Variants in DLEC1 observed in about 807,000 individuals in gnomAD.
The protein encoded by DLEC1 is deleted in lung and esophageal cancer protein 1.
In DLEC1, 146 loss-of-function variants were observed where a neutral mutation model predicts 198.1. That is an observed-to-expected ratio of 0.74 (90% CI 0.64 to 0.85). The LOEUF is 0.85. Among genes scored for constraint, DLEC1 ranks in the 40% least tolerant of loss-of-function variants. DLEC1 has a pLI of 0.00. For missense variants in DLEC1, 2,233 were observed against 2,220.0 expected (o/e 1.01, Z -0.12); for synonymous variants, 897 against 866.8 (o/e 1.03, Z -0.61).
intron 6 of DLEC1, among the ~76,000 whole-genome samples, chr3:38,080,445 G>A (rs1295960437): frequency 3.3e-5 from 5 of 152,118 alleles, no homozygotes; most frequent in Non-Finnish European, 7.3e-5. Flanking sequence ...GAGTTGCATT[G>A]GGCACAGAGA....
At chr3:38,058,358 C>T (rs1228978768) in intron 2 of DLEC1, among the ~76,000 whole-genome samples, 1 of 152,088 alleles carries the variant, frequency 6.6e-6, no homozygotes, top group Non-Finnish European at 1.5e-5. Context: ...TAGGTTGCCC[C>T]GCAAAACCAG....
At position 38,039,486 on chromosome 3, in the gene DLEC1, G is replaced by A; in HGVS notation, c.261G>A (p.Leu87=). The change falls in exon 1 of 37, where the codon CTG becomes CTA. Residue 87 remains leucine, a synonymous_variant. Coordinates refer to ENST00000308059, the MANE Select transcript of DLEC1 (RefSeq NM_007335.4). ...PQLLRLRPSS[L]RTQDISHLLT... is the part of the protein sequence containing the mutation. ...TGCTTCGTCTGCGCCCCTCCTCGCT[G>A]CGCACCCAAGATATCTCGCACTTGC... The A allele has an allele frequency of 3.1e-6, 5 of 1,614,052 alleles. No individual in the cohort carries two copies. The East Asian group carries it at 1.1e-4, about 36-fold the overall frequency.
intron 2 of DLEC1, among the ~76,000 whole-genome samples, chr3:38,047,284 TAA>T (rs1461230805): frequency 6.6e-6 from 1 of 152,226 alleles, no homozygotes; most frequent in Non-Finnish European, 1.5e-5. Context: ...TATGCAAAGA[TAA>T]GTTGACTTTA....
chr3:38,039,462 G>T lies in DLEC1; in HGVS notation c.237G>T (p.Leu79=). 1 of 1,614,042 alleles carries T rather than the reference G, an allele frequency of 6.2e-7. No homozygotes were observed. Among genetic ancestry groups the T allele is most frequent in the Non-Finnish European group, 8.5e-7 (1 of 1,179,890 alleles). Residue 79 remains leucine, a synonymous_variant, in exon 1 of 37, where the codon CTG becomes CTT. Transcript: ENST00000308059. ...LALAQRPEPQ[L]LRLRPSSLRT... ...TGGCGCAGCGTCCCGAGCCTCAGCT[G>T]CTTCGTCTGCGCCCCTCCTCGCTGC...
chr3:38,113,258 T>C (rs1373898780), intron 25 of DLEC1, among the ~76,000 whole-genome samples: 1 of 152,244 alleles, frequency 6.6e-6, no homozygotes, highest in African/African-American at 2.4e-5. Context: ...TTGGTGAAGA[T>C]ACAGGGGAAA....
In DLEC1 at chr3:38,045,637, G is replaced by A. The variant is rs752945398; in HGVS notation, c.506G>A (p.Arg169Gln). The change falls in exon 2 of 37, where the codon CGG (arginine) becomes CAG (glutamine). Residue 169 changes from arginine to glutamine, a missense_variant. Physicochemically the swap from Arg to Gln is conservative, Grantham distance 43. Coordinates refer to ENST00000308059, the MANE Select transcript of DLEC1 (RefSeq NM_007335.4). ...AQARAIAENERVMSQAGVQDL... is the reference protein window; with the variant it reads ...AQARAIAENEQVMSQAGVQDL... ...GCACGGGCTATTGCGGAAAATGAGC[G>A]GGTCATGAGCCAGGCTGGAGTACAG... The A allele has an allele frequency of 1.9e-5, 30 of 1,613,954 alleles. No individual in the cohort carries two copies. The highest frequency in any genetic ancestry group is 1.2e-4 in the South Asian group (11 of 91,082).
rs1699684329 is a variant in DLEC1 at position 38,108,449 on chromosome 3, C to G, written c.3063C>G (p.Pro1021=). The G allele has an allele frequency of 2.5e-6, 4 of 1,614,092 alleles. No individual in the cohort carries two copies. Among genetic ancestry groups the G allele is most frequent in the Middle Eastern group, 1.6e-4 (1 of 6,078 alleles). Residue 1021 remains proline (P), a synonymous_variant, in exon 21 of 37, where the codon CCC becomes CCG. Coordinates refer to ENST00000308059, the MANE Select transcript of DLEC1 (RefSeq NM_007335.4). ...AATTCTGCATGGTGACAGTCTCCCCCAAACATGGCCTGCTGGGCCCAAGTG... is the reference window on the plus strand; with the variant it reads ...AATTCTGCATGGTGACAGTCTCCCCGAAACATGGCCTGCTGGGCCCAAGTG... ...QAEFCMVTVS[P]KHGLLGPSEE...
intron 6 of DLEC1, among the ~76,000 whole-genome samples, chr3:38,077,613 T>G (rs1316601446): frequency 6.6e-6 from 1 of 152,178 alleles, no homozygotes; most frequent in Non-Finnish European, 1.5e-5. Flanking sequence ...TGTTATCAGA[T>G]TGTATAGAGG....
Position 38,069,489 on chromosome 3 carries a change from C to A in DLEC1, c.1173+5570C>A, listed in dbSNP as rs1031215804. On this transcript the variant is annotated intron_variant, in intron 6 of 36. Transcript: ENST00000308059. ...GCAAACCAAACCAAACAGTAAGGAACAACACACACACACACACACGCAGCC... is the reference window on the plus strand; with the variant it reads ...GCAAACCAAACCAAACAGTAAGGAAAAACACACACACACACACACGCAGCC... Among the ~76,000 whole-genome samples the A allele has an allele frequency of 3.3e-4, 50 of 151,382 alleles. 1 individual carries two copies. The highest frequency in any genetic ancestry group is 1.2e-3 in the African/African-American group (48 of 40,804).
chr3:38,095,898 T>C lies in DLEC1; in HGVS notation c.2123T>C (p.Phe708Ser). Residue 708 changes from phenylalanine (F) to serine (S), a missense_variant, in exon 14 of 37, where the codon TTT (phenylalanine) becomes TCT (serine). By Grantham distance (155) the Phe-to-Ser change is radical. Coordinates refer to ENST00000308059, the MANE Select transcript of DLEC1 (RefSeq NM_007335.4). ...LSFSPHELRD[F>S]HSVLQMVLEE... is the part of the protein sequence containing the mutation. ...GTGTTTGCCTTGCAGCTGAGGGATTTTCACAGTGTGCTCCAGATGGTGCTA... is the reference window on the plus strand; with the variant it reads ...GTGTTTGCCTTGCAGCTGAGGGATTCTCACAGTGTGCTCCAGATGGTGCTA... 1.2e-6 allele frequency: 2 copies of C among 1,613,902 alleles called. No homozygotes were observed. The highest frequency in any genetic ancestry group is 1.7e-6 in the Non-Finnish European group (2 of 1,180,000).
chr3:38,077,423 C>A (rs1697689362), intron 6 of DLEC1, among the ~76,000 whole-genome samples: 1 of 152,230 alleles, frequency 6.6e-6, no homozygotes, highest in African/African-American at 2.4e-5. Context: ...GGTCTGATTT[C>A]TGAGAAGGGA....
At chr3:38,062,910 G>T in intron 5 of DLEC1, 109 bp downstream of exon 5, 1 of 1,202,256 alleles carries the variant, frequency 8.3e-7, no homozygotes, top group Non-Finnish European at 1.2e-6. Flanking sequence ...GTGGGGCAGG[G>T]TAGCAGTATC....
At chr3:38,053,342 G>A (rs1381370753) in intron 2 of DLEC1, among the ~76,000 whole-genome samples, 2 of 151,918 alleles carry the variant, frequency 1.3e-5, no homozygotes, top group African/African-American at 4.8e-5. Context: ...TCTAGGAAGT[G>A]AGGAGCGTCT....
rs369590449 is a variant in DLEC1, at chr3:38,097,712, TG to T, written c.2566-30del. On this transcript the variant is annotated intron_variant, in intron 17 of 36. Transcript: ENST00000308059. ...GCTGGGACACTGAGCCATCCCCAGG[TG>T]GCCCAGTGACAGGCCCTCTGGGTGT... 37 of 1,613,456 alleles carry T rather than the reference TG, an allele frequency of 2.3e-5. No homozygotes were observed. In the African/African-American group the frequency reaches 3.7e-4, roughly 16 times the overall value.
intron 6 of DLEC1, among the ~76,000 whole-genome samples, chr3:38,071,413 G>A (rs1309986399): frequency 6.6e-6 from 1 of 152,242 alleles, no homozygotes; most frequent in Non-Finnish European, 1.5e-5. Flanking sequence ...AGACGGGCTA[G>A]CGGCTTGTAA....
At position 38,048,020 on chromosome 3, in the gene DLEC1, GT is replaced by G. The variant is rs748846840; in HGVS notation, c.562+2331del. Among the ~76,000 whole-genome samples the G allele has an allele frequency of 3.9e-5, 6 of 152,288 alleles. No homozygotes were observed. The East Asian group carries it at 1.2e-3, about 29-fold the overall frequency. On this transcript the variant is annotated intron_variant, in intron 2 of 36. Transcript: ENST00000308059. ...GGTGACTAATGAGGTTTGTTTGGTTGTTTTAGTATCATTGTGCACGCTTGGA... is the reference window on the plus strand; with the variant it reads ...GGTGACTAATGAGGTTTGTTTGGTTGTTTAGTATCATTGTGCACGCTTGGA...
At chr3:38,054,071 T>C (rs1220827152) in intron 2 of DLEC1, among the ~76,000 whole-genome samples, 2 of 151,610 alleles carry the variant, frequency 1.3e-5, no homozygotes, top group Non-Finnish European at 2.9e-5. Flanking sequence ...GGCCGCAGGG[T>C]CCTCTGCCTA....
chr3:38,092,920 C>T (rs1698816513), intron 11 of DLEC1, 40 bp downstream of exon 11: 2 of 1,592,680 alleles, frequency 1.3e-6, no homozygotes, highest in Non-Finnish European at 1.7e-6. Flanking sequence ...GCTGGAGAGG[C>T]TGCCCCAGCT....
At chr3:38,044,953 C>T (rs1355026852) in intron 1 of DLEC1, among the ~76,000 whole-genome samples, 1 of 152,152 alleles carries the variant, frequency 6.6e-6, no homozygotes. Flanking sequence ...AAGGAGTGAG[C>T]CACGGAAGAA....
Sources: gnomAD v4.1 joint callset for allele counts (sites outside exome capture counted in the v4.1 genomes callset) on GRCh38, gnomAD v4.1.1 for gene constraint, MANE v1.5 for transcripts, NCBI Gene and HGNC (gene_info 2026-07-23, HGNC 2026-07-21) for gene names.